OASL: variants seen among roughly 807,000 people sequenced by gnomAD.
OASL encodes 2'-5'-oligoadenylate synthase-like protein.
Under a neutral mutation model 35.3 loss-of-function variants are expected in OASL, and 28 were observed. The observed-to-expected ratio is 0.79, with a 90% CI of 0.59 to 1.09. The LOEUF is 1.09. Among genes scored for constraint, OASL ranks in the 50% least tolerant of loss-of-function variants. The probability of loss-of-function intolerance (pLI) is 0.00; values close to 1 mark genes in which losing one functional copy is unlikely to be tolerated. For synonymous variants in OASL, 252 were observed against 254.6 expected, an observed-to-expected ratio of 0.99 and a Z score of 0.10; for missense variants, 620 against 635.2, an observed-to-expected ratio of 0.98 and a Z score of 0.26.
At chr12:121,038,950 A>C in exon 1 of OASL, 1 of 1,614,102 alleles carries the variant, frequency 6.2e-7, no homozygotes, top group Non-Finnish European at 8.5e-7. Context: ...GGTGTGCTAT[A>C]CAGTTCCTGC....
At chr12:121,032,787 C>CTG (rs1399509975) in intron 2 of OASL, among the ~76,000 whole-genome samples, 1 of 152,172 alleles carries the variant, frequency 6.6e-6, no homozygotes, top group Non-Finnish European at 1.5e-5. Flanking sequence ...TCCTTCCCCT[C>CTG]ACTGGGTGTC....
chr12:121,027,214 C>T, intron 4 of OASL, among the ~76,000 whole-genome samples: 1 of 152,192 alleles, frequency 6.6e-6, no homozygotes, highest in East Asian at 1.9e-4. Flanking sequence ...GGGATTGAGG[C>T]TCATAGCAGT....
intron 5 of OASL, 42 bp from the exon 6 acceptor site, chr12:121,021,100 T>C: frequency 6.6e-7 from 1 of 1,508,400 alleles, no homozygotes; most frequent in South Asian, 1.3e-5. Flanking sequence ...AGTCCACACT[T>C]CTTTGTCTGA....
intron 1 of OASL, among the ~76,000 whole-genome samples, chr12:121,037,783 A>AT (rs1029333340): frequency 1.6e-5 from 2 of 123,726 alleles, no homozygotes; most frequent in African/African-American, 5.7e-5. Flanking sequence ...AAAAAAAAAA[A>AT]CAAAAACAAA....
At chr12:121,018,696 G>C (rs1296203204), downstream of OASL, among the ~76,000 whole-genome samples, 1 of 150,900 alleles carries the variant, frequency 6.6e-6, no homozygotes, top group African/African-American at 2.4e-5. Context: ...GTGAAACCCC[G>C]TCTCTACTAA....
exon 2 of OASL, chr12:121,033,491 C>T (rs1369157624): frequency 6.2e-7 from 1 of 1,613,390 alleles, no homozygotes. Flanking sequence ...ACAATGGTGA[C>T]CGTGATGGGC....
At chr12:121,022,933 C>T (rs1869306984) in intron 5 of OASL, among the ~76,000 whole-genome samples, 1 of 152,214 alleles carries the variant, frequency 6.6e-6, no homozygotes, top group Non-Finnish European at 1.5e-5. Context: ...GTTTTCTCTT[C>T]TGTAAAATGG....
intron 1 of OASL, 112 bp from the exon 2 acceptor site, chr12:121,033,855 G>T: frequency 8.6e-7 from 1 of 1,168,852 alleles, no homozygotes; most frequent in East Asian, 2.4e-5. Flanking sequence ...CTGAGGGATG[G>T]GTTGTGGGTA....
chr12:121,021,249 C>G (rs1869224536), intron 5 of OASL, among the ~76,000 whole-genome samples, 191 bp from the exon 6 acceptor site: 1 of 152,180 alleles, frequency 6.6e-6, no homozygotes, highest in Non-Finnish European at 1.5e-5. Flanking sequence ...ATTTTATTCT[C>G]AGAGCATCTC....
At position 121,033,387 on chromosome 12, in the gene OASL, A is replaced by C; in HGVS notation, c.481+74T>G. The C allele has an allele frequency of 2.0e-6, 3 of 1,480,920 alleles. No homozygotes were observed. The Admixed American group carries it at 5.5e-5, about 27-fold the overall frequency. 91.7% of individuals were successfully genotyped at this position (1,480,920 alleles called of 1,614,324 possible). The stretch of plus-strand genomic sequence containing the variant: ...ATGTGGGTGTGTGCACGTGGCCATG[A>C]GTAAAGGTGAGACACTGGGAAGTCT... On this transcript the variant is annotated intron_variant, in intron 2 of 5. Transcript: ENST00000257570.
chr12:121,018,452 G>A (rs532220623), downstream of OASL, among the ~76,000 whole-genome samples: 361 of 152,082 alleles, frequency 2.4e-3, 5 homozygotes, highest in South Asian at 6.2e-3. Context: ...CCTTGGGACC[G>A]GGCCCAAGGA....
At chr12:121,027,913 C>A in intron 3 of OASL, 96 bp from the exon 4 acceptor site, 1 of 1,000,382 alleles carries the variant, frequency 1.0e-6, no homozygotes, top group South Asian at 1.5e-5. Flanking sequence ...AGTTCTAGTC[C>A]TGGCTCTGCT....
downstream of OASL, among the ~76,000 whole-genome samples, chr12:121,017,980 TG>T (rs1869080577): frequency 6.6e-6 from 1 of 152,244 alleles, no homozygotes; most frequent in African/African-American, 2.4e-5. Context: ...AATATTCTTA[TG>T]CAAGTGGTTT....
chr12:121,028,211 G>A (rs1260569922), intron 3 of OASL, among the ~76,000 whole-genome samples: 1 of 152,180 alleles, frequency 6.6e-6, no homozygotes, highest in Non-Finnish European at 1.5e-5. Context: ...GGTAATAGGT[G>A]AGATTCTGTA....
chr12:121,029,393 A>C lies in OASL; in HGVS notation c.658-1576T>G, dbSNP rs981553605. Among the ~76,000 whole-genome samples, 8 of 152,334 alleles carry C rather than the reference A, an allele frequency of 5.3e-5. 1 individual carries two copies. The highest frequency in any genetic ancestry group is 4.1e-4 in the South Asian group (2 of 4,828). Reference sequence around the variant, plus strand: ...ACCTTAGAAATTCAATTTTGAATTAAAATGTATTTATAAGGCTGGGCTCAG... The same window carrying C: ...ACCTTAGAAATTCAATTTTGAATTACAATGTATTTATAAGGCTGGGCTCAG... On this transcript the variant is annotated intron_variant, in intron 3 of 5. Transcript: ENST00000257570.
chr12:121,035,688 T>C (rs1245523056), intron 1 of OASL, among the ~76,000 whole-genome samples: 2 of 152,084 alleles, frequency 1.3e-5, no homozygotes, highest in South Asian at 2.1e-4. Context: ...AGAACTCAAG[T>C]AGGGGATGGT....
intron 3 of OASL, among the ~76,000 whole-genome samples, 198 bp from the exon 4 acceptor site, chr12:121,028,015 G>A (rs1869562173): frequency 6.6e-6 from 1 of 152,152 alleles, no homozygotes; most frequent in African/African-American, 2.4e-5. Flanking sequence ...TTAGTCCATT[G>A]GGCTTCAATA....
chr12:121,022,139 T>A (rs974936009), intron 5 of OASL, among the ~76,000 whole-genome samples: 1 of 142,184 alleles, frequency 7.0e-6, no homozygotes, highest in Non-Finnish European at 1.5e-5. Flanking sequence ...CAGGCTAGAG[T>A]GCAGTGGCAC....
intron 3 of OASL, 69 bp from the exon 4 acceptor site, chr12:121,027,886 A>G (rs766393478): frequency 2.2e-6 from 3 of 1,380,540 alleles, no homozygotes; most frequent in Non-Finnish European, 3.0e-6. Flanking sequence ...GCGTTGGACC[A>G]GAAGCTGAGA....
Sources: allele counts gnomAD v4.1 joint callset (sites outside exome capture counted in the v4.1 genomes callset), GRCh38; gene constraint gnomAD v4.1.1; transcripts MANE v1.5; gene names NCBI Gene and HGNC (gene_info 2026-07-23, HGNC 2026-07-21).